Variants in DAB1 observed in about 807,000 individuals in gnomAD.
DAB1 encodes disabled homolog 1.
A neutral mutation model predicts 64.6 loss-of-function variants in DAB1; 15 were observed. That is an observed-to-expected ratio of 0.23 (90% CI 0.16 to 0.36). DAB1 has a LOEUF of 0.36. Ranked by LOEUF, DAB1 falls within the 10% of genes least tolerant of loss-of-function variation. DAB1 has a pLI of 1.00. For missense variants in DAB1, 596 were observed against 706.7 expected (o/e 0.84, Z 1.78); for synonymous variants, 235 against 251.9 (o/e 0.93, Z 0.64).
intron 9 of DAB1, among the ~76,000 whole-genome samples, chr1:57,039,191 C>T (rs189233738): frequency 6.6e-6 from 1 of 152,170 alleles, no homozygotes; most frequent in Non-Finnish European, 1.5e-5. Flanking sequence ...ATCATTTAAG[C>T]CTCAGTTTCC....
At position 58,349,905 on chromosome 1, in the gene DAB1, C is replaced by CCACAATAAA. The variant is rs1224656520; in HGVS notation, n.258-6511_258-6503dup. 4.6e-5 allele frequency among the ~76,000 whole-genome samples: 7 copies of CCACAATAAA among 152,232 alleles called. No individual in the cohort carries two copies. In the East Asian group the frequency reaches 5.8e-4, roughly 13 times the overall value. ...CAAGTCTTAGCTATTGTGAACAGTG[C>CCACAATAAA]CACAATAAACACACGTGTGCATATG... On this transcript the variant is annotated intron_variant and non_coding_transcript_variant, in intron 3 of 20. Coordinates refer to the DAB1 transcript ENST00000485760.
chr1:57,563,103 C>CA (rs994131592), intron 7 of DAB1, among the ~76,000 whole-genome samples: 35 of 151,670 alleles, frequency 2.3e-4, no homozygotes, highest in East Asian at 1.7e-3. Flanking sequence ...CACACCACCA[C>CA]AAAAAAAACA....
At chr1:57,520,979 GAAA>G (rs1204603129) in intron 7 of DAB1, among the ~76,000 whole-genome samples, 1 of 152,080 alleles carries the variant, frequency 6.6e-6, no homozygotes, top group Admixed American at 6.5e-5. Context: ...GGAACTAGAA[GAAA>G]CCACATTTAG....
intron 6 of DAB1, among the ~76,000 whole-genome samples, chr1:57,678,993 G>A (rs540097717): frequency 4.6e-5 from 7 of 151,548 alleles, no homozygotes; most frequent in East Asian, 2.0e-4. Flanking sequence ...GGAAGGTCTC[G>A]ATCTTCTGAC....
chr1:57,245,457 G>T (rs899595384), intron 2 of DAB1, among the ~76,000 whole-genome samples: 1 of 152,010 alleles, frequency 6.6e-6, no homozygotes, highest in African/African-American at 2.4e-5. Context: ...AAAGGCCCCA[G>T]TATATGATGT....
At chr1:57,614,868 CTTTT>C (rs34907824) in intron 7 of DAB1, among the ~76,000 whole-genome samples, 382 of 38,726 alleles carry the variant, frequency 9.9e-3, no homozygotes, top group East Asian at 0.021. Flanking sequence ...TTCTTTCTTT[CTTTT>C]TTTTTTTTTT....
At chr1:57,670,300 GA>G (rs1269145269) in intron 6 of DAB1, among the ~76,000 whole-genome samples, 3 of 152,070 alleles carry the variant, frequency 2.0e-5, no homozygotes, top group Non-Finnish European at 4.4e-5. Flanking sequence ...GCATTATTCA[GA>G]AAAGAGCGAC....
intron 4 of DAB1, among the ~76,000 whole-genome samples, chr1:58,315,375 AC>A (rs1383033617): frequency 6.6e-6 from 1 of 152,122 alleles, no homozygotes; most frequent in African/African-American, 2.4e-5. Flanking sequence ...AAATTCCATC[AC>A]CCCATGCTCC....
At chr1:58,231,066 G>A (rs72910439) in intron 4 of DAB1, among the ~76,000 whole-genome samples, 4 of 152,156 alleles carry the variant, frequency 2.6e-5, no homozygotes, top group African/African-American at 9.7e-5. Context: ...ATTATTGTGA[G>A]GACTAAATTA....
intron 3 of DAB1, among the ~76,000 whole-genome samples, chr1:58,409,339 A>T (rs1278827638): frequency 6.6e-6 from 1 of 152,196 alleles, no homozygotes; most frequent in Non-Finnish European, 1.5e-5. Context: ...GTAATAGAGC[A>T]CTTCTGCTCA....
At chr1:57,999,541 T>A (rs984046436) in intron 5 of DAB1, among the ~76,000 whole-genome samples, 1 of 152,158 alleles carries the variant, frequency 6.6e-6, no homozygotes, top group African/African-American at 2.4e-5. Flanking sequence ...GACTAGAGCC[T>A]CTCTCAACCA....
intron 1 of DAB1, among the ~76,000 whole-genome samples, chr1:57,873,500 G>A (rs1164937374): frequency 1.3e-5 from 2 of 152,194 alleles, no homozygotes; most frequent in African/African-American, 4.8e-5. Flanking sequence ...AGGAAGCCAA[G>A]TAGTTTCACA....
At chr1:57,477,950 C>T (rs762432514) in intron 7 of DAB1, among the ~76,000 whole-genome samples, 21 of 149,816 alleles carry the variant, frequency 1.4e-4, no homozygotes, top group Non-Finnish European at 2.2e-4. Context: ...CTGTGCACAA[C>T]GTGCAGGTTT....
chr1:58,464,962 G>C (rs953834871), intron 3 of DAB1, among the ~76,000 whole-genome samples: 1 of 152,202 alleles, frequency 6.6e-6, no homozygotes, highest in Admixed American at 6.5e-5. Context: ...TGTTGCTAAG[G>C]CAGAAACAGA....
chr1:57,016,599 A>AG (rs1646440455), intron 11 of DAB1, among the ~76,000 whole-genome samples: 2 of 152,064 alleles, frequency 1.3e-5, no homozygotes, highest in East Asian at 3.9e-4. Context: ...CTCTAAAAAA[A>AG]AAAAAAGAAA....
chr1:57,311,522 C>CCACA (rs3042913), intron 1 of DAB1, among the ~76,000 whole-genome samples: 10,249 of 150,046 alleles, frequency 0.068, 365 homozygotes, highest in African/African-American at 0.081. Context: ...CTGCCAACCA[C>CCACA]CACACACACA....
chr1:57,277,094 A>G (rs1671524862), intron 2 of DAB1, among the ~76,000 whole-genome samples: 2 of 152,218 alleles, frequency 1.3e-5, no homozygotes, highest in Non-Finnish European at 2.9e-5. Flanking sequence ...TTGATCACCT[A>G]TGACGTGCTA....
At chr1:57,673,579 T>C (rs936430196) in intron 6 of DAB1, among the ~76,000 whole-genome samples, 3 of 152,146 alleles carry the variant, frequency 2.0e-5, no homozygotes, top group South Asian at 2.1e-4. Context: ...GATTATACAG[T>C]AAATATTTAA....
Position 57,841,265 on chromosome 1 carries a change from T to C in DAB1, n.88-14810A>G, listed in dbSNP as rs75307576. Among the ~76,000 whole-genome samples, 243 of 152,354 alleles carry C rather than the reference T, an allele frequency of 1.6e-3. 4 individuals are homozygous for C. In the East Asian group the frequency reaches 0.041, roughly 25 times the overall value. The stretch of plus-strand genomic sequence containing the variant: ...TTGGACACCTCTGCCTCTGTGACTC[T>C]GCAGGGTCAACTCCTGCAGCTGCTT... On this transcript the variant is annotated intron_variant and non_coding_transcript_variant, in intron 1 of 1. Transcript: ENST00000477280.
Sources: allele counts gnomAD v4.1 joint callset (sites outside exome capture counted in the v4.1 genomes callset), GRCh38; gene constraint gnomAD v4.1.1; transcripts MANE v1.5; gene names NCBI Gene and HGNC (gene_info 2026-07-23, HGNC 2026-07-21).